Variants in LYPD8 observed in about 807,000 individuals in gnomAD.
LYPD8 encodes ly6/PLAUR domain-containing protein 8.
Under a neutral mutation model 1.7 loss-of-function variants are expected in LYPD8, and 8 were observed. The ratio of observed to expected loss-of-function variants is 4.58; its 90% CI spans 2.69 to 8.27. The LOEUF (loss-of-function observed/expected upper bound fraction) is 8.27. LYPD8 is among the 30% of genes most tolerant of loss of function. The pLI, the probability that LYPD8 is intolerant of heterozygous loss-of-function variation, is 0.00. For synonymous variants in LYPD8, 50 were observed against 43.6 expected (o/e 1.15, Z -0.58); for missense variants, 112 against 102.3 (o/e 1.09, Z -0.41).
intron 6 of LYPD8, among the ~76,000 whole-genome samples, chr1:248,740,308 A>T (rs576647597): frequency 1.3e-5 from 2 of 152,238 alleles, no homozygotes; most frequent in East Asian, 3.9e-4. Context: ...TCCTCTCTGG[A>T]CCTGAGTCCT....
At chr1:248,753,514 C>T (rs1318957354) in intron 2 of LYPD8, among the ~76,000 whole-genome samples, 12 of 132,708 alleles carry the variant, frequency 9.0e-5, no homozygotes, top group African/African-American at 3.6e-4. Context: ...ACAACACACA[C>T]ATCACACACC....
At chr1:248,742,061 T>C (rs1662609828) in intron 6 of LYPD8, among the ~76,000 whole-genome samples, 1 of 152,198 alleles carries the variant, frequency 6.6e-6, no homozygotes, top group Non-Finnish European at 1.5e-5. Flanking sequence ...TCCAAACTCA[T>C]GGAATATACA....
In LYPD8 at chr1:248,752,109, T is replaced by C. The variant is rs1662810048; in HGVS notation, c.-49-979A>G. On this transcript the variant is annotated intron_variant, in intron 2 of 6. Coordinates refer to ENST00000590317, the MANE Select transcript of LYPD8 (RefSeq NM_001085474.2). ...TCGCTGTGAGGCACACATAGTTATT[T>C]ATGATTCTTCGAGGGTAGATAAAAT... Among the ~76,000 whole-genome samples, 3 of 152,242 alleles carry C rather than the reference T, an allele frequency of 2.0e-5. No individual in the cohort carries two copies. In the South Asian group the frequency reaches 6.2e-4, roughly 31 times the overall value.
intron 4 of LYPD8, among the ~76,000 whole-genome samples, chr1:248,749,840 T>G (rs1260795200): frequency 6.6e-6 from 1 of 152,116 alleles, no homozygotes; most frequent in African/African-American, 2.4e-5. Flanking sequence ...ACCGATGACA[T>G]GTACACACAT....
Position 248,748,454 on chromosome 1 carries a change from C to G in LYPD8, c.173-1G>C. 1 of 404,540 alleles carries G rather than the reference C, an allele frequency of 2.5e-6. No individual in the cohort carries two copies. 25.1% of individuals were successfully genotyped at this position (404,540 alleles called of 1,614,324 possible). A position where few individuals can be genotyped will look rare whatever the true frequency, so the allele number is the denominator to read the frequency against. On this transcript the variant is annotated splice_acceptor_variant, in intron 4 of 6. Transcript: ENST00000590317. LOFTEE classifies it high-confidence loss of function. Reference sequence around the variant, plus strand: ...TTCTGGTATAATCTGACTGGTGTCTCTACACAAAGACAAACACAGACTGTC... The same window carrying G: ...TTCTGGTATAATCTGACTGGTGTCTGTACACAAAGACAAACACAGACTGTC...
chr1:248,753,645 T>C (rs1380967475), intron 2 of LYPD8, among the ~76,000 whole-genome samples: 658 of 64,856 alleles, frequency 0.01, 16 homozygotes, highest in East Asian at 0.026. Flanking sequence ...ACCACACATA[T>C]ACATCACACA....
chr1:248,741,409 G>A (rs1480363782), intron 6 of LYPD8, among the ~76,000 whole-genome samples: 12 of 152,306 alleles, frequency 7.9e-5, no homozygotes, highest in African/African-American at 2.9e-4. Flanking sequence ...GTTTCACCAT[G>A]TTGGCCAGGC....
chr1:248,750,932 T>G, intron 3 of LYPD8, 98 bp downstream of exon 3: 2 of 398,494 alleles, frequency 5.0e-6, no homozygotes, highest in Non-Finnish European at 4.4e-6. Flanking sequence ...GACCATAATT[T>G]GACATGTGAG....
intron 2 of LYPD8, among the ~76,000 whole-genome samples, chr1:248,753,223 CA>C (rs1662855249): frequency 1.5e-5 from 1 of 66,500 alleles, no homozygotes; most frequent in African/African-American, 5.5e-5. Flanking sequence ...CACACCACAC[CA>C]CACACACACA....
chr1:248,750,103 T>C (rs1662773297), intron 4 of LYPD8, among the ~76,000 whole-genome samples: 1 of 152,120 alleles, frequency 6.6e-6, no homozygotes, highest in Non-Finnish European at 1.5e-5. Context: ...GAGGTTACAA[T>C]AGTAGTTACT....
At chr1:248,742,837 G>C (rs1662636717) in intron 6 of LYPD8, among the ~76,000 whole-genome samples, 1 of 106,986 alleles carries the variant, frequency 9.3e-6, no homozygotes, top group Non-Finnish European at 1.8e-5. Flanking sequence ...TGGTGGGGAT[G>C]TTGGCAGCGG....
rs1662554514 is a variant in LYPD8, at chr1:248,739,787, A to T, written c.538T>A (p.Phe180Ile). Residue 180 changes from phenylalanine to isoleucine, a missense_variant, in exon 7 of 7, where the codon TTC becomes ATC. Physicochemically the swap from Phe to Ile is conservative, Grantham distance 21. Coordinates refer to ENST00000590317, the MANE Select transcript of LYPD8 (RefSeq NM_001085474.2). This position sits in a 1 kb window ranked among gnomAD's most constrained non-coding sequence, Gnocchi z 4.3. ...AGAGTCTTGTTTTCACCAGACAGGAACTGACAGGTGGCGTTACTGACGTTG... is the reference window on the plus strand; with the variant it reads ...AGAGTCTTGTTTTCACCAGACAGGATCTGACAGGTGGCGTTACTGACGTTG... ...CSNVSNATCQ[F>I]LSGENKTLGG... 1 of 1,551,588 alleles carries T rather than the reference A, an allele frequency of 6.4e-7. No homozygotes were observed. The highest frequency in any genetic ancestry group is 1.4e-5 in the African/African-American group (1 of 73,072).
intron 2 of LYPD8, among the ~76,000 whole-genome samples, chr1:248,752,301 G>A (rs1337318401): frequency 6.6e-6 from 1 of 151,908 alleles, no homozygotes; most frequent in African/African-American, 2.4e-5. Context: ...CACTCTACAG[G>A]TGAGAAACCT....
chr1:248,752,768 C>CAA (rs1662828163), intron 2 of LYPD8, among the ~76,000 whole-genome samples: 1 of 115,810 alleles, frequency 8.6e-6, no homozygotes, highest in African/African-American at 3.3e-5. Context: ...ACACCACACA[C>CAA]CCCACACAAC....
rs570257672 is a variant in LYPD8 at position 248,743,364 on chromosome 1, C to T, written c.475+1778G>A. Reference sequence around the variant, plus strand: ...TGTATAATCCCAGCTACCCAGGAAGCTGAGGCAGGAGAATCACTTGAACCC... The same window carrying T: ...TGTATAATCCCAGCTACCCAGGAAGTTGAGGCAGGAGAATCACTTGAACCC... On this transcript the variant is annotated intron_variant, in intron 6 of 6. Coordinates refer to ENST00000590317, the MANE Select transcript of LYPD8 (RefSeq NM_001085474.2). 9.0e-4 allele frequency among the ~76,000 whole-genome samples: 137 copies of T among 152,246 alleles called. 1 individual carries two copies. Among genetic ancestry groups the T allele is most frequent in the African/African-American group, 3.2e-3 (132 of 41,536 alleles).
chr1:248,741,919 A>G (rs1662607020), intron 6 of LYPD8, among the ~76,000 whole-genome samples: 1 of 152,238 alleles, frequency 6.6e-6, no homozygotes, highest in Non-Finnish European at 1.5e-5. Context: ...GGAGGCAATA[A>G]CAAAGATCAG....
chr1:248,752,341 A>G (rs1662812651), intron 2 of LYPD8, among the ~76,000 whole-genome samples: 1 of 151,944 alleles, frequency 6.6e-6, no homozygotes, highest in African/African-American at 2.4e-5. Flanking sequence ...AAGTAACCCA[A>G]GCTCGCTCGG....
In LYPD8 at chr1:248,739,553, T is replaced by C; in HGVS notation, c.*58A>G. The C allele has an allele frequency of 6.5e-7, 1 of 1,546,826 alleles. No individual in the cohort carries two copies. The highest frequency in any genetic ancestry group is 8.7e-7 in the Non-Finnish European group (1 of 1,145,500). On this transcript the variant is annotated 3_prime_UTR_variant, in exon 7 of 7. Coordinates refer to ENST00000590317, the MANE Select transcript of LYPD8 (RefSeq NM_001085474.2). The surrounding 1 kb of genome is among the most constrained non-coding windows in gnomAD (Gnocchi z 4.3). ...AAGAGGGTGTCAGCACCGCAGGGGG[T>C]GCTCTGGACCTCAGAGAAGCAGAAA... is the stretch of plus-strand genomic sequence containing the variant.
chr1:248,753,776 C>A (rs1662877784), intron 2 of LYPD8, among the ~76,000 whole-genome samples: 1 of 150,326 alleles, frequency 6.7e-6, no homozygotes, highest in Admixed American at 6.6e-5. Context: ...ATCACACACA[C>A]ACCACACATC....
Sources: allele counts gnomAD v4.1 joint callset (sites outside exome capture counted in the v4.1 genomes callset), GRCh38; gene constraint gnomAD v4.1.1; non-coding constraint Gnocchi (gnomAD v3.1); transcripts MANE v1.5; gene names NCBI Gene and HGNC (gene_info 2026-07-23, HGNC 2026-07-21).